Variants in BLTP2 observed in about 807,000 individuals in gnomAD.
The protein encoded by BLTP2 is bridge-like lipid transfer protein family member 2, also known as U937-associated antigen.
the BLTP2 span, chr17:28,644,920 T>C: frequency 7.1e-7 from 1 of 1,400,070 alleles, no homozygotes; most frequent in Non-Finnish European, 9.8e-7. Context: ...CTCCTCAGTC[T>C]TTCTTCCTCC....
the BLTP2 span, among the ~76,000 whole-genome samples, chr17:28,623,043 C>G: frequency 6.6e-6 from 1 of 152,156 alleles, no homozygotes; most frequent in Non-Finnish European, 1.5e-5. Flanking sequence ...CCATTGCACT[C>G]CAGCCTGGGC....
the BLTP2 span, chr17:28,637,007 G>A: frequency 3.1e-6 from 5 of 1,614,094 alleles, no homozygotes; most frequent in African/African-American, 4.0e-5. Context: ...TGGAGAGCAT[G>A]GAAAGGCTGA....
At chr17:28,639,646 T>C in the BLTP2 span, 1 of 1,613,774 alleles carries the variant, frequency 6.2e-7, no homozygotes, top group Non-Finnish European at 8.5e-7. Context: ...AACCCATCTG[T>C]AAGAGGCCAG....
At chr17:28,624,206 T>G in the BLTP2 span, 1 of 1,607,422 alleles carries the variant, frequency 6.2e-7, no homozygotes, top group East Asian at 2.2e-5. Flanking sequence ...TAGCCTGATG[T>G]TGAGGTAACT....
At chr17:28,625,273 T>C in the BLTP2 span, among the ~76,000 whole-genome samples, 6 of 134,112 alleles carry the variant, frequency 4.5e-5, no homozygotes, top group South Asian at 1.1e-3. Context: ...GAGGCAGAGG[T>C]TGCAGTGAGC....
chr17:28,638,619 G>A, the BLTP2 span: 1 of 1,612,060 alleles, frequency 6.2e-7, no homozygotes, highest in Non-Finnish European at 8.5e-7. Context: ...AAAGATGATG[G>A]GAGCCAGGAT....
At chr17:28,619,802 G>C in the BLTP2 span, 1 of 1,613,910 alleles carries the variant, frequency 6.2e-7, no homozygotes, top group African/African-American at 1.3e-5. Flanking sequence ...GAAACTGAGA[G>C]ACCGCCCTCG....
At chr17:28,617,709 ATCT>A in the BLTP2 span, among the ~76,000 whole-genome samples, 7 of 152,224 alleles carry the variant, frequency 4.6e-5, no homozygotes, top group Non-Finnish European at 7.3e-5. Context: ...TCTAGGGATC[ATCT>A]TCTTACTCAA....
chr17:28,642,743 G>A, the BLTP2 span: 2 of 671,676 alleles, frequency 3.0e-6, no homozygotes, highest in South Asian at 3.7e-5. Context: ...AAGGCAATTG[G>A]AAATGTCTAA....
At chr17:28,621,602 C>A in the BLTP2 span, 1 of 786,880 alleles carries the variant, frequency 1.3e-6, no homozygotes. Flanking sequence ...CACTTACTAT[C>A]TGGACCTCCA....
the BLTP2 span, among the ~76,000 whole-genome samples, chr17:28,636,587 T>C: frequency 2.2e-4 from 34 of 152,346 alleles, no homozygotes; most frequent in African/African-American, 8.2e-4. Context: ...AAGTTGGTCA[T>C]GAATTGGTAA....
At chr17:28,631,874 C>G in the BLTP2 span, 2 of 1,614,156 alleles carry the variant, frequency 1.2e-6, no homozygotes, top group Non-Finnish European at 1.7e-6. Flanking sequence ...TGACTGCACT[C>G]AATCTGGATG....
chr17:28,618,519 A>G, the BLTP2 span, among the ~76,000 whole-genome samples: 1 of 152,188 alleles, frequency 6.6e-6, no homozygotes, highest in African/African-American at 2.4e-5. Context: ...CGTGGCCTGT[A>G]TCATTTTTTA....
the BLTP2 span, chr17:28,634,757 C>CA: frequency 6.2e-7 from 1 of 1,614,122 alleles, no homozygotes. Context: ...ATGTAGATTT[C>CA]AATGTTTTTG....
chr17:28,616,989 C>T, the BLTP2 span: 5 of 1,611,796 alleles, frequency 3.1e-6, no homozygotes, highest in Non-Finnish European at 3.4e-6. This position sits in a 1 kb window ranked among gnomAD's most constrained non-coding sequence, Gnocchi z 4.8. Flanking sequence ...GCTCTGGGGC[C>T]GCAGTACTAC....
At chr17:28,636,206 C>A in the BLTP2 span, among the ~76,000 whole-genome samples, 2 of 152,182 alleles carry the variant, frequency 1.3e-5, no homozygotes, top group Non-Finnish European at 2.9e-5. Context: ...ACATAAAATT[C>A]TCAAGTTCTA....
chr17:28,636,018 T>C, the BLTP2 span: 2 of 160,554 alleles, frequency 1.2e-5, no homozygotes, highest in Admixed American at 1.2e-4. Context: ...AACAGTCAAC[T>C]TGAAAAGGTT....
chr17:28,636,025 G>T, the BLTP2 span: 246 of 159,762 alleles, frequency 1.5e-3, 2 homozygotes, highest in African/African-American at 5.1e-3. Flanking sequence ...AACTTGAAAA[G>T]GTTTCATGAG....
chr17:28,620,056 G>A, the BLTP2 span: 7 of 1,562,870 alleles, frequency 4.5e-6, 1 homozygote, highest in East Asian at 1.6e-4. Flanking sequence ...TTTTTAAGTA[G>A]ACAAGTCTTG....
Sources: allele counts gnomAD v4.1 joint callset (sites outside exome capture counted in the v4.1 genomes callset), GRCh38; gene constraint gnomAD v4.1.1; non-coding constraint Gnocchi (gnomAD v3.1); transcripts MANE v1.5; gene names NCBI Gene and HGNC (gene_info 2026-07-23, HGNC 2026-07-21).